The following BLM variants were observed in gnomAD, a reference collection of about 807,000 sequenced individuals.
BLM encodes recQ-like DNA helicase BLM.
Under a neutral mutation model 135.3 loss-of-function variants are expected in BLM, and 95 were observed. The observed-to-expected ratio is 0.70, with a 90% CI of 0.59 to 0.83. The LOEUF (loss-of-function observed/expected upper bound fraction) is 0.83, where lower values mean the gene tolerates loss of function less well. Ranked by LOEUF, BLM falls within the 40% of genes least tolerant of loss-of-function variation. The pLI is 0.00. For synonymous variants in BLM, 520 were observed against 589.2 expected (o/e 0.88, Z 1.70); for missense variants, 1,518 against 1,663.9 (o/e 0.91, Z 1.53).
At chr15:90,802,877 A>G (rs1475746784) in intron 17 of BLM, among the ~76,000 whole-genome samples, 2 of 152,228 alleles carry the variant, frequency 1.3e-5, no homozygotes, top group African/African-American at 2.4e-5. Context: ...CCCATTCTCC[A>G]TGATGTGCTT....
At chr15:90,805,878 G>A (rs1389002798) in intron 19 of BLM, among the ~76,000 whole-genome samples, 1 of 151,770 alleles carries the variant, frequency 6.6e-6, no homozygotes, top group Non-Finnish European at 1.5e-5. Context: ...TATTTGTGCT[G>A]ATTATTTGCC....
At chr15:90,805,128 G>A (rs1376452017) in intron 19 of BLM, among the ~76,000 whole-genome samples, 2 of 140,684 alleles carry the variant, frequency 1.4e-5, no homozygotes, top group Non-Finnish European at 3.1e-5. Flanking sequence ...GAGCCACCAT[G>A]CGCGGCCGAA....
chr15:90,801,103 C>T (rs1000560411), intron 17 of BLM, among the ~76,000 whole-genome samples: 23 of 151,300 alleles, frequency 1.5e-4, no homozygotes, highest in African/African-American at 5.1e-4. Flanking sequence ...GAGCTAAGAT[C>T]GCACCACTGC....
chr15:90,806,737 T>G (rs1374158557), intron 19 of BLM, among the ~76,000 whole-genome samples: 1 of 152,198 alleles, frequency 6.6e-6, no homozygotes, highest in Non-Finnish European at 1.5e-5. Flanking sequence ...CTATATTACC[T>G]TCCATATTCT....
chr15:90,793,244 T>TC (rs28385091), intron 15 of BLM, among the ~76,000 whole-genome samples: 26,015 of 151,416 alleles, frequency 0.17, 2,325 homozygotes, highest in Non-Finnish European at 0.19. Context: ...CAAGCGATTC[T>TC]CAGCCTCAGC....
At chr15:90,806,609 G>A (rs1219218520) in intron 19 of BLM, among the ~76,000 whole-genome samples, 3 of 151,788 alleles carry the variant, frequency 2.0e-5, no homozygotes, top group African/African-American at 7.3e-5. Context: ...ACACTGCTAT[G>A]TCTTTAGTTA....
chr15:90,735,236 AAT>A (rs60589046), intron 1 of BLM, among the ~76,000 whole-genome samples: 17,805 of 107,514 alleles, frequency 0.17, 1,281 homozygotes, highest in South Asian at 0.26. Flanking sequence ...TGCCTAAGTT[AAT>A]ATATATATAT....
In BLM at chr15:90,784,999, C is replaced by T; in HGVS notation, c.2741C>T (p.Ala914Val). ...GACACGTTACAGAGAGATGGGCTCG[C>T]TGCTCTTGCTTACCATGCTGGCCTC... is the stretch of plus-strand genomic sequence containing the variant. Reference protein sequence around the residue: ...MADTLQRDGLAALAYHAGLSD... With the variant: ...MADTLQRDGLVALAYHAGLSD... Residue 914 changes from alanine to valine, a missense_variant, in exon 14 of 22, where the codon GCT (alanine) becomes GTT (valine). This residue lies in a region of BLM where 626 missense variants were observed against 681.1 expected (regional missense o/e 0.92). Transcript: ENST00000355112. 1 of 1,614,152 alleles carries T rather than the reference C, an allele frequency of 6.2e-7. No individual in the cohort carries two copies. Among genetic ancestry groups the T allele is most frequent in the Non-Finnish European group, 8.5e-7 (1 of 1,180,026 alleles).
chr15:90,788,779 C>G (rs1896823119), intron 14 of BLM, among the ~76,000 whole-genome samples: 1 of 151,672 alleles, frequency 6.6e-6, no homozygotes, highest in Non-Finnish European at 1.5e-5. Flanking sequence ...TCAAGACCAG[C>G]CCAGGCAACA....
rs878853554 is a variant in BLM, at chr15:90,790,696, C to T, written c.2871C>T (p.Asp957=). The T allele has an allele frequency of 1.6e-5, 26 of 1,614,168 alleles. No homozygotes were observed. Among genetic ancestry groups the T allele is most frequent in the South Asian group, 5.5e-5 (5 of 91,084 alleles). The change falls in exon 15 of 22, where the codon GAC becomes GAT. Residue 957 remains aspartate (D), a synonymous_variant. Transcript: ENST00000355112. ...IAFGMGIDKP[D]VRFVIHASLP... is the part of the protein sequence containing the mutation. ...TTGGAATGGGGATTGACAAACCGGACGTGCGATTTGTGATTCATGCATCTC... is the reference window on the plus strand; with the variant it reads ...TTGGAATGGGGATTGACAAACCGGATGTGCGATTTGTGATTCATGCATCTC...
chr15:90,786,475 T>A (rs1301158085), intron 14 of BLM, among the ~76,000 whole-genome samples: 1 of 152,260 alleles, frequency 6.6e-6, no homozygotes, highest in Non-Finnish European at 1.5e-5. Flanking sequence ...TCTGCAGTTC[T>A]GCATTCTCAC....
intron 5 of BLM, among the ~76,000 whole-genome samples, chr15:90,758,505 A>C (rs1770308847): frequency 6.6e-6 from 1 of 152,060 alleles, no homozygotes; most frequent in South Asian, 2.1e-4. Flanking sequence ...AAATAAAATA[A>C]AACCTCTACT....
intron 17 of BLM, among the ~76,000 whole-genome samples, chr15:90,800,260 T>A (rs527421514): frequency 5.9e-5 from 9 of 152,296 alleles, no homozygotes; most frequent in South Asian, 4.1e-4. Context: ...TCCTGGAGAC[T>A]AGCAGGCAAA....
chr15:90,776,425 G>A (rs1056069858), intron 12 of BLM, among the ~76,000 whole-genome samples: 3 of 152,118 alleles, frequency 2.0e-5, no homozygotes, highest in African/African-American at 7.2e-5. Context: ...GGAAGAGTTG[G>A]GGAAATCAAA....
chr15:90,747,284 G>T (rs1895528169), intron 1 of BLM, 105 bp from the exon 2 acceptor site: 1 of 677,362 alleles, frequency 1.5e-6, no homozygotes, highest in Non-Finnish European at 2.6e-6. Flanking sequence ...TCTGGGCACA[G>T]TTGGAACAAT....
chr15:90,815,376 T>C lies in BLM; in HGVS notation c.*97T>C. On this transcript the variant is annotated 3_prime_UTR_variant, in exon 22 of 22. Transcript: ENST00000355112. The surrounding 1 kb of genome is among the most constrained non-coding windows in gnomAD (Gnocchi z 4.6). Reference sequence around the variant, plus strand: ...GTTATTCTTGTTATACCATTTGAAGTTTTTACTCGTCTCTATTAATATTTA... The same window carrying C: ...GTTATTCTTGTTATACCATTTGAAGCTTTTACTCGTCTCTATTAATATTTA... 1 of 1,295,664 alleles carries C rather than the reference T, an allele frequency of 7.7e-7. No homozygotes were observed. Among genetic ancestry groups the C allele is most frequent in the Non-Finnish European group, 1.1e-6 (1 of 906,000 alleles). 80.3% of individuals were successfully genotyped at this position (1,295,664 alleles called of 1,614,324 possible). A position where few individuals can be genotyped will look rare whatever the true frequency, so the allele number is the denominator to read the frequency against.
rs1053956777 is a variant in BLM, at chr15:90,775,558, G to A, written c.2555+5972G>A. Among the ~76,000 whole-genome samples, 7 of 150,284 alleles carry A rather than the reference G, an allele frequency of 4.7e-5. No individual in the cohort carries two copies. The East Asian group carries it at 5.8e-4, about 13-fold the overall frequency. Reference sequence around the variant, plus strand: ...TTTTAGACCAAGTTTCACTCTTGTCGCCCAGGCTGGAGTGCAATGACACGA... The same window carrying A: ...TTTTAGACCAAGTTTCACTCTTGTCACCCAGGCTGGAGTGCAATGACACGA... On this transcript the variant is annotated intron_variant, in intron 12 of 21. Coordinates refer to ENST00000355112, the MANE Select transcript of BLM (RefSeq NM_000057.4).
At chr15:90,792,107 T>C (rs74836858) in intron 15 of BLM, among the ~76,000 whole-genome samples, 2 of 151,588 alleles carry the variant, frequency 1.3e-5, no homozygotes, top group Non-Finnish European at 2.9e-5. Flanking sequence ...TTTTTTTTTT[T>C]TGAGACGGAG....
At chr15:90,797,168 C>G (rs536115371) in intron 16 of BLM, among the ~76,000 whole-genome samples, 1 of 152,150 alleles carries the variant, frequency 6.6e-6, no homozygotes, top group African/African-American at 2.4e-5. Context: ...AATCCCAGCA[C>G]TTTGGGAGGC....
Sources: allele counts gnomAD v4.1 joint callset (sites outside exome capture counted in the v4.1 genomes callset), GRCh38; gene constraint gnomAD v4.1.1; regional missense constraint gnomAD v4.1.1; non-coding constraint Gnocchi (gnomAD v3.1); transcripts MANE v1.5; gene names NCBI Gene and HGNC (gene_info 2026-07-23, HGNC 2026-07-21).